The following HDAC9 variants were observed in gnomAD, a reference collection of about 807,000 sequenced individuals.
The protein encoded by HDAC9 is MEF-2 interacting transcription repressor (MITR) protein.
HDAC9 carries 41 observed loss-of-function variants against 139.4 expected under a neutral mutation model. That is an observed-to-expected ratio of 0.29 (90% CI 0.23 to 0.38). The LOEUF is 0.38. Among genes scored for constraint, HDAC9 ranks in the 10% least tolerant of loss-of-function variants. The pLI, the probability that HDAC9 is intolerant of heterozygous loss-of-function variation, is 1.00. For synonymous variants in HDAC9, 517 were observed against 476.2 expected, an observed-to-expected ratio of 1.09 and a Z score of -1.12; for missense variants, 1,147 against 1,297.0, an observed-to-expected ratio of 0.88 and a Z score of 1.78.
At chr7:18,483,899 A>G (rs1322437777) in intron 1 of HDAC9, among the ~76,000 whole-genome samples, 3 of 152,052 alleles carry the variant, frequency 2.0e-5, no homozygotes, top group African/African-American at 7.2e-5. Context: ...TTTTCTATCA[A>G]CTGATTTGAA....
At chr7:18,757,244 G>A (rs1788959738) in intron 14 of HDAC9, among the ~76,000 whole-genome samples, 1 of 151,786 alleles carries the variant, frequency 6.6e-6, no homozygotes, top group Admixed American at 6.6e-5. Context: ...TGGATTTTTG[G>A]AGAAAATAAA....
chr7:18,466,451 C>A (rs1477332563), intron 1 of HDAC9, among the ~76,000 whole-genome samples: 1 of 152,182 alleles, frequency 6.6e-6, no homozygotes, highest in African/African-American at 2.4e-5. Flanking sequence ...CCACCTGGGC[C>A]TCCCAAAGTT....
intron 2 of HDAC9, among the ~76,000 whole-genome samples, chr7:18,527,369 T>C (rs528471449): frequency 2.6e-4 from 39 of 152,302 alleles, no homozygotes; most frequent in African/African-American, 9.4e-4. Flanking sequence ...TTTTGCTATA[T>C]GGACTATATG....
At chr7:18,991,507 G>A (rs536005135) in intron 25 of HDAC9, among the ~76,000 whole-genome samples, 1 of 152,084 alleles carries the variant, frequency 6.6e-6, no homozygotes, top group Admixed American at 6.6e-5. Context: ...TGTGGTGGCA[G>A]GCACCTGTAG....
intron 1 of HDAC9, among the ~76,000 whole-genome samples, chr7:18,098,069 A>G (rs1401320119): frequency 6.6e-6 from 1 of 152,206 alleles, no homozygotes; most frequent in Non-Finnish European, 1.5e-5. Context: ...GGTCCAGAAG[A>G]ATGAACTAGC....
chr7:18,311,703 G>C (rs1562866095), intron 1 of HDAC9, among the ~76,000 whole-genome samples: 1 of 152,092 alleles, frequency 6.6e-6, no homozygotes, highest in African/African-American at 2.4e-5. Flanking sequence ...TACTGTCAAG[G>C]AGGGATGAAC....
chr7:18,476,650 G>T (rs1795132882), intron 1 of HDAC9, among the ~76,000 whole-genome samples: 1 of 152,090 alleles, frequency 6.6e-6, no homozygotes, highest in South Asian at 2.1e-4. Context: ...AAAGCCAAAT[G>T]ATTATCATAC....
intron 2 of HDAC9, among the ~76,000 whole-genome samples, chr7:18,554,951 T>C (rs1818348008): frequency 6.6e-6 from 1 of 152,226 alleles, no homozygotes; most frequent in African/African-American, 2.4e-5. Flanking sequence ...ATATACTACA[T>C]CTTTCTTACC....
chr7:18,563,776 G>A (rs981334163), intron 2 of HDAC9, among the ~76,000 whole-genome samples: 1 of 150,328 alleles, frequency 6.7e-6, no homozygotes, highest in African/African-American at 2.4e-5. Context: ...TAAGTTCTAG[G>A]GTACATGTGC....
chr7:18,841,374 A>G lies in HDAC9; in HGVS notation c.2684+5377A>G, dbSNP rs189703697. Among the ~76,000 whole-genome samples, 1,040 of 152,226 alleles carry G rather than the reference A, an allele frequency of 6.8e-3. 7 individuals carry two copies. Among genetic ancestry groups the G allele is most frequent in the Non-Finnish European group, 0.011 (727 of 67,996 alleles). On this transcript the variant is annotated intron_variant, in intron 21 of 25. Coordinates refer to ENST00000686413, the MANE Select transcript of HDAC9 (RefSeq NM_178425.4). ...TGATAAGTGAATGTAGAATAATACC[A>G]TTGTAAAAACAACAATATAATAATA...
At chr7:18,593,837 A>C (rs1831678036) in intron 5 of HDAC9, 71 bp from the exon 6 acceptor site, 7 of 1,523,604 alleles carry the variant, frequency 4.6e-6, no homozygotes, top group Non-Finnish European at 6.3e-6. Context: ...CAGCGTGTGC[A>C]GCTGATTATT....
intron 19 of HDAC9, among the ~76,000 whole-genome samples, chr7:18,830,414 G>A (rs1251720050): frequency 1.3e-5 from 2 of 152,180 alleles, no homozygotes; most frequent in African/African-American, 4.8e-5. Flanking sequence ...AATTTTTGCA[G>A]GTGATAAAAG....
intron 13 of HDAC9, among the ~76,000 whole-genome samples, chr7:18,734,376 C>T (rs959430463): frequency 3.6e-4 from 55 of 152,144 alleles, no homozygotes; most frequent in African/African-American, 1.3e-3. Flanking sequence ...CTACCCCTCC[C>T]CCAGCCCTCC....
chr7:18,732,763 ATGTGTGCG>A (rs1786293049), intron 13 of HDAC9, among the ~76,000 whole-genome samples: 1 of 70,094 alleles, frequency 1.4e-5, no homozygotes. Context: ...ACACACGTGT[ATGTGTGCG>A]TATGTGTACA....
intron 1 of HDAC9, among the ~76,000 whole-genome samples, chr7:18,382,174 A>T (rs569815163): frequency 6.8e-6 from 1 of 147,918 alleles, no homozygotes; most frequent in East Asian, 2.0e-4. Flanking sequence ...TCCATATCTT[A>T]AAAAAAAAGA....
Position 18,489,677 on chromosome 7 carries a change from G to A in HDAC9, c.-41-6585G>A, listed in dbSNP as rs796136158. 8.5e-5 allele frequency among the ~76,000 whole-genome samples: 13 copies of A among 152,126 alleles called. No homozygotes were observed. In the East Asian group the frequency reaches 2.5e-3, roughly 29 times the overall value. ...TATCTTCAGGGCTTGCACTGTGGCTGTGAAATAGTTGATATTCAATATATG... is the reference window on the plus strand; with the variant it reads ...TATCTTCAGGGCTTGCACTGTGGCTATGAAATAGTTGATATTCAATATATG... On this transcript the variant is annotated intron_variant, in intron 1 of 3. Transcript: ENST00000413509.
intron 21 of HDAC9, among the ~76,000 whole-genome samples, chr7:18,862,446 A>G (rs1223594695): frequency 6.6e-6 from 1 of 152,242 alleles, no homozygotes. Context: ...AGGCAGTGCC[A>G]AGAACAGAAA....
intron 2 of HDAC9, among the ~76,000 whole-genome samples, chr7:18,263,368 C>T (rs888046814): frequency 1.3e-5 from 2 of 151,970 alleles, no homozygotes; most frequent in African/African-American, 4.8e-5. Context: ...CACTCTGGTC[C>T]ACAGCTTGAT....
intron 6 of HDAC9, among the ~76,000 whole-genome samples, chr7:18,623,802 T>G (rs1000774483): frequency 6.6e-6 from 1 of 152,158 alleles, no homozygotes; most frequent in African/African-American, 2.4e-5. Context: ...ATTAGCCAGG[T>G]GTGGTGGCAC....
Sources: gnomAD v4.1 joint callset for allele counts (sites outside exome capture counted in the v4.1 genomes callset) on GRCh38, gnomAD v4.1.1 for gene constraint, MANE v1.5 for transcripts, NCBI Gene and HGNC (gene_info 2026-07-23, HGNC 2026-07-21) for gene names.